COL6A3: variants seen among roughly 807,000 people sequenced by gnomAD.
COL6A3 encodes collagen type VI alpha 3 chain.
COL6A3 carries 137 observed loss-of-function variants against 274.1 expected under a neutral mutation model. The ratio of observed to expected loss-of-function variants is 0.50; its 90% confidence interval spans 0.44 to 0.58. The LOEUF is 0.58. COL6A3 is among the 20% of genes least tolerant of loss of function. The pLI, the probability that COL6A3 is intolerant of heterozygous loss-of-function variation, is 0.00. For missense variants in COL6A3, 3,950 were observed against 4,124.9 expected, an observed-to-expected ratio of 0.96 and a Z score of 1.16; for synonymous variants, 1,650 against 1,650.6, an observed-to-expected ratio of 1.00 and a Z score of 0.01.
Position 237,358,531 on chromosome 2 carries a change from C to G in COL6A3, c.6461G>C (p.Arg2154Pro), listed in dbSNP as rs145561490. The change falls in exon 21 of 44, where the codon CGA becomes CCA. Residue 2154 changes from arginine to proline, a missense_variant. By Grantham distance (103) the Arg-to-Pro change is moderately radical. Transcript: ENST00000295550. The part of the protein sequence containing the change: ...EKGERGDVGI[R>P]GDPGNPGQDS... ...TAAAGAAATCTTTACCGGGTCCCCT[C>G]GAATCCCAACATCTCCTCTTTCTCC... is the stretch of plus-strand genomic sequence containing the variant. 9.3e-6 allele frequency: 15 copies of G among 1,613,988 alleles called. No homozygotes were observed. Among genetic ancestry groups the G allele is most frequent in the African/African-American group, 1.3e-5 (1 of 75,052 alleles).
In COL6A3 at chr2:237,379,016, A is replaced by C; in HGVS notation, c.2117T>G (p.Leu706Arg). The change falls in exon 6 of 44, where the codon CTG becomes CGG. Residue 706 changes from leucine to arginine, a missense_variant. Leu to Arg is a moderately radical substitution (Grantham distance 102). Around this residue, in one of 5 missense-constraint regions of COL6A3, gnomAD observed 1,934 missense variants for 1,984.3 expected, o/e 0.97. Coordinates refer to ENST00000295550, the MANE Select transcript of COL6A3 (RefSeq NM_004369.4). Reference sequence around the variant, plus strand: ...ACCTCCCTGGAGCTGCAGCTGCCTCAGATGACCAAGGATATCTGACTTGGT... The same window carrying C: ...ACCTCCCTGGAGCTGCAGCTGCCTCCGATGACCAAGGATATCTGACTTGGT... ...YQTKSDILGH[L>R]RQLQLQGGSG... The C allele has an allele frequency of 6.2e-7, 1 of 1,614,242 alleles. No homozygotes were observed. Among genetic ancestry groups the C allele is most frequent in the Non-Finnish European group, 8.5e-7 (1 of 1,180,036 alleles).
At chr2:237,332,118 T>TATATATAG (rs1700292101) in intron 42 of COL6A3, among the ~76,000 whole-genome samples, 1 of 61,440 alleles carries the variant, frequency 1.6e-5, no homozygotes, top group Non-Finnish European at 3.3e-5. Flanking sequence ...TATATATATA[T>TATATATAG]GAAAAGAAAA....
In COL6A3 at chr2:237,377,147, T is replaced by C. The variant is rs372114508; in HGVS notation, c.2695A>G (p.Ile899Val). The change falls in exon 7 of 44, where the codon ATC (isoleucine) becomes GTC (valine). Residue 899 changes from isoleucine (I) to valine (V), a missense_variant. Physicochemically the swap from Ile to Val is conservative, Grantham distance 29. Coordinates refer to ENST00000295550, the MANE Select transcript of COL6A3 (RefSeq NM_004369.4). ...TTCATTCTCTTCACAAGATTCAGGA[T>C]CTCAGGCTTACTCTGGTGCTCATCA... The part of the protein sequence containing the change: ...RFDEHQSKPE[I>V]LNLVKRMKIK... The C allele has an allele frequency of 5.0e-6, 8 of 1,614,064 alleles. No homozygotes were observed. In the African/African-American group the frequency reaches 1.1e-4, roughly 22 times the overall value.
chr2:237,412,311 C>A (rs560344437), intron 1 of COL6A3, among the ~76,000 whole-genome samples: 1 of 152,350 alleles, frequency 6.6e-6, no homozygotes, highest in African/African-American at 2.4e-5. Flanking sequence ...GATGCCCCCG[C>A]CCCACGGTCC....
intron 4 of COL6A3, among the ~76,000 whole-genome samples, chr2:237,387,041 T>C (rs140594314): frequency 1.3e-5 from 2 of 152,268 alleles, no homozygotes; most frequent in African/African-American, 4.8e-5. Context: ...ACTTCATAAA[T>C]ATTTCATCAA....
Position 237,374,211 on chromosome 2 carries a change from T to C in COL6A3, c.3679+201A>G, listed in dbSNP as rs2077769533. 6.6e-6 allele frequency among the ~76,000 whole-genome samples: 1 copy of C among 152,206 alleles called. No homozygotes were observed. The highest frequency in any genetic ancestry group is 6.5e-5 in the Admixed American group (1 of 15,282). On this transcript the variant is annotated intron_variant, in intron 8 of 43. Coordinates refer to ENST00000295550, the MANE Select transcript of COL6A3 (RefSeq NM_004369.4). The surrounding 1 kb of genome is among the most constrained non-coding windows in gnomAD (Gnocchi z 4.8). ...TTAATTTGCCCCAAAACATGAATCT[T>C]AGCATCTCCCCCCTTGAACCTCTGC...
chr2:237,353,392 G>T lies in COL6A3; in HGVS notation c.6639C>A (p.Gly2213=), dbSNP rs765837100. ...RGPPGAKGNK[G]GPGQPGFEGE... ...CCTCAAAGCCCGGCTGGCCAGGACCGCCCTTGTTGCCCTTTGAAATAAGAG... is the reference window on the plus strand; with the variant it reads ...CCTCAAAGCCCGGCTGGCCAGGACCTCCCTTGTTGCCCTTTGAAATAAGAG... Residue 2213 remains glycine, a synonymous_variant, in exon 25 of 44, where the codon GGC becomes GGA. Coordinates refer to ENST00000295550, the MANE Select transcript of COL6A3 (RefSeq NM_004369.4). 4.5e-5 allele frequency: 73 copies of T among 1,613,918 alleles called. No individual in the cohort carries two copies. The highest frequency in any genetic ancestry group is 6.1e-5 in the Non-Finnish European group (72 of 1,179,978).
intron 39 of COL6A3, among the ~76,000 whole-genome samples, chr2:237,336,744 C>T (rs1211726689): frequency 6.6e-6 from 1 of 152,036 alleles, no homozygotes; most frequent in Non-Finnish European, 1.5e-5. Flanking sequence ...AAAAATAGAA[C>T]CATTAAAAAT....
Position 237,336,246 on chromosome 2 carries a change from C to T in COL6A3, c.8854G>A (p.Val2952Ile), listed in dbSNP as rs536607503. 17 of 1,614,050 alleles carry T rather than the reference C, an allele frequency of 1.1e-5. No homozygotes were observed. The East Asian group carries it at 2.7e-4, about 25-fold the overall frequency. The change falls in exon 40 of 44, where the codon GTA becomes ATA. Residue 2952 changes from valine (V) to isoleucine (I), a missense_variant. By Grantham distance (29) the Val-to-Ile change is conservative. Coordinates refer to ENST00000295550, the MANE Select transcript of COL6A3 (RefSeq NM_004369.4). ...AKPVAAKPAA[V>I]RPPAAAAAKP... is the part of the protein sequence containing the mutation. The stretch of plus-strand genomic sequence containing the variant: ...GCAGCAGCAGCAGCGGGGGGTCTTA[C>T]AGCTGCTGGCTTTGCTGCTACAGGC...
chr2:237,407,962 G>A lies in COL6A3; in HGVS notation c.-31+5991C>T, dbSNP rs1401960617. On this transcript the variant is annotated intron_variant, in intron 1 of 43. Transcript: ENST00000295550. This position sits in a 1 kb window ranked among gnomAD's most constrained non-coding sequence, Gnocchi z 4.3. ...GCTGCTGGATCCAAATTGGAGCTTGGCACTTATTCCTGTCTTTTCCTTCTT... is the reference window on the plus strand; with the variant it reads ...GCTGCTGGATCCAAATTGGAGCTTGACACTTATTCCTGTCTTTTCCTTCTT... Among the ~76,000 whole-genome samples, 2 of 152,166 alleles carry A rather than the reference G, an allele frequency of 1.3e-5. No homozygotes were observed. The highest frequency in any genetic ancestry group is 4.8e-5 in the African/African-American group (2 of 41,434).
intron 42 of COL6A3, chr2:237,328,735 T>C (rs1700078056): frequency 6.6e-6 from 1 of 152,236 alleles, no homozygotes; most frequent in Non-Finnish European, 1.5e-5. Context: ...AATGCATTTT[T>C]AAAGGCATCA....
Position 237,357,235 on chromosome 2 carries a change from C to T in COL6A3, c.6591+103G>A, listed in dbSNP as rs945568786. The stretch of plus-strand genomic sequence containing the variant: ...CGTTTCAGAAATCCTTTTACATTCA[C>T]TCACTGCAGAGCTGTGGACTAACCA... On this transcript the variant is annotated intron_variant, in intron 23 of 43. Coordinates refer to ENST00000295550, the MANE Select transcript of COL6A3 (RefSeq NM_004369.4). 18 of 951,392 alleles carry T rather than the reference C, an allele frequency of 1.9e-5. No individual in the cohort carries two copies. In the Admixed American group the frequency reaches 2.0e-4, roughly 11 times the overall value. The allele number at this position is 951,392 out of a possible 1,614,324, so 58.9% of individuals were successfully genotyped here.
chr2:237,401,034 T>C (rs2078576363), intron 1 of COL6A3, among the ~76,000 whole-genome samples: 1 of 152,118 alleles, frequency 6.6e-6, no homozygotes, highest in East Asian at 1.9e-4. Context: ...TACAAAATGG[T>C]GTAATGAAAT....
At chr2:237,352,498 G>A in intron 26 of COL6A3, 24 bp downstream of exon 26, 2 of 1,605,224 alleles carry the variant, frequency 1.2e-6, no homozygotes, top group South Asian at 1.1e-5. Flanking sequence ...GCTAGAGAGG[G>A]GGCTGGTATT....
chr2:237,407,950 A>G lies in COL6A3; in HGVS notation c.-31+6003T>C, dbSNP rs1259971057. 6.6e-6 allele frequency among the ~76,000 whole-genome samples: 1 copy of G among 152,162 alleles called. No individual in the cohort carries two copies. Among genetic ancestry groups the G allele is most frequent in the Non-Finnish European group, 1.5e-5 (1 of 68,032 alleles). On this transcript the variant is annotated intron_variant, in intron 1 of 43. Transcript: ENST00000295550. This position sits in a 1 kb window ranked among gnomAD's most constrained non-coding sequence, Gnocchi z 4.3. Reference sequence around the variant, plus strand: ...TTGCCACGTGACGCTGCTGGATCCAAATTGGAGCTTGGCACTTATTCCTGT... The same window carrying G: ...TTGCCACGTGACGCTGCTGGATCCAGATTGGAGCTTGGCACTTATTCCTGT...
At chr2:237,352,151 C>T (rs2077219827) in intron 26 of COL6A3, among the ~76,000 whole-genome samples, 1 of 152,226 alleles carries the variant, frequency 6.6e-6, no homozygotes, top group African/African-American at 2.4e-5. Context: ...ATACAAAATA[C>T]ATAAGCACAA....
Position 237,324,541 on chromosome 2 carries a change from A to T in COL6A3, c.*233T>A. ...CACCAGCAGTGGCTAACTGTTACAC[A>T]ACATTCAAAGTATTCGAGAGAACTG... On this transcript the variant is annotated 3_prime_UTR_variant, in exon 44 of 44. Transcript: ENST00000295550. 1.9e-6 allele frequency: 1 copy of T among 538,540 alleles called. No individual in the cohort carries two copies. Among genetic ancestry groups the T allele is most frequent in the Admixed American group, 2.9e-5 (1 of 34,698 alleles). The allele number at this position is 538,540 out of a possible 1,614,324, so 33.4% of individuals were successfully genotyped here.
intron 13 of COL6A3, among the ~76,000 whole-genome samples, chr2:237,363,702 T>G (rs1368529728): frequency 6.6e-6 from 1 of 152,234 alleles, no homozygotes; most frequent in African/African-American, 2.4e-5. Flanking sequence ...GAGTATGCTG[T>G]GGGAAGTATT....
At chr2:237,351,581 T>C (rs1008434841) in intron 26 of COL6A3, among the ~76,000 whole-genome samples, 5 of 152,212 alleles carry the variant, frequency 3.3e-5, no homozygotes, top group Admixed American at 2.0e-4. Context: ...TAAAGCCTGT[T>C]AGGTGAATGA....
Sources: gnomAD v4.1 joint callset for allele counts (sites outside exome capture counted in the v4.1 genomes callset) on GRCh38, gnomAD v4.1.1 for gene constraint, gnomAD v4.1.1 regional missense constraint, Gnocchi (gnomAD v3.1) non-coding constraint, MANE v1.5 for transcripts, NCBI Gene and HGNC (gene_info 2026-07-23, HGNC 2026-07-21) for gene names.